The following ARHGAP24 variants were observed in gnomAD, a reference collection of about 807,000 sequenced individuals.
ARHGAP24 encodes the protein rho GTPase-activating protein 24.
ARHGAP24 carries 50 observed loss-of-function variants against 76.4 expected under a neutral mutation model. The ratio of observed to expected loss-of-function variants is 0.65; its 90% CI spans 0.52 to 0.83. The LOEUF (loss-of-function observed/expected upper bound fraction) is 0.83. ARHGAP24 is among the 40% of genes least tolerant of loss of function. The pLI is 0.00. For missense variants in ARHGAP24, 930 were observed against 914.2 expected, an observed-to-expected ratio of 1.02 and a Z score of -0.22; for synonymous variants, 345 against 323.3, an observed-to-expected ratio of 1.07 and a Z score of -0.72.
intron 1 of ARHGAP24, among the ~76,000 whole-genome samples, chr4:85,537,589 T>A (rs1369073288): frequency 6.6e-6 from 1 of 152,162 alleles, no homozygotes; most frequent in Non-Finnish European, 1.5e-5. Context: ...GAGTATTGCC[T>A]ATTTGAGTTT....
chr4:85,618,189 A>T (rs531282802), intron 2 of ARHGAP24, among the ~76,000 whole-genome samples: 1 of 152,036 alleles, frequency 6.6e-6, no homozygotes, highest in Non-Finnish European at 1.5e-5. Context: ...ACTATTCTCT[A>T]CTTCTGTGAC....
intron 3 of ARHGAP24, among the ~76,000 whole-genome samples, chr4:85,752,713 A>C (rs1230183945): frequency 6.6e-6 from 1 of 152,220 alleles, no homozygotes; most frequent in Non-Finnish European, 1.5e-5. Flanking sequence ...TTCACTGAGC[A>C]TCAGTTTTCC....
At chr4:85,984,185 T>C (rs1739849258) in intron 8 of ARHGAP24, among the ~76,000 whole-genome samples, 1 of 152,172 alleles carries the variant, frequency 6.6e-6, no homozygotes, top group Non-Finnish European at 1.5e-5. Flanking sequence ...CGGGGAACCA[T>C]CACAGATGGG....
At chr4:85,917,761 G>A (rs1228746293) in intron 3 of ARHGAP24, among the ~76,000 whole-genome samples, 1 of 152,038 alleles carries the variant, frequency 6.6e-6, no homozygotes, top group Admixed American at 6.6e-5. Context: ...TTGTTTTTTA[G>A]TTCACAATTT....
chr4:85,623,734 T>G (rs562661479), intron 2 of ARHGAP24, among the ~76,000 whole-genome samples: 64 of 152,134 alleles, frequency 4.2e-4, no homozygotes, highest in South Asian at 1.0e-3. Flanking sequence ...CATGGAATGT[T>G]CTTCCATTTG....
At chr4:85,825,107 C>CA (rs1306192752) in intron 3 of ARHGAP24, among the ~76,000 whole-genome samples, 13 of 148,846 alleles carry the variant, frequency 8.7e-5, no homozygotes, top group South Asian at 2.1e-4. Context: ...CGAAACGAAA[C>CA]AAAACAAAAA....
intron 1 of ARHGAP24, among the ~76,000 whole-genome samples, chr4:85,476,531 A>G (rs1381780474): frequency 1.3e-5 from 2 of 152,220 alleles, no homozygotes. Context: ...GGCTTTGCTT[A>G]TACATAAATA....
intron 2 of ARHGAP24, among the ~76,000 whole-genome samples, chr4:85,683,074 C>T (rs1269287713): frequency 7.5e-6 from 1 of 133,464 alleles, no homozygotes; most frequent in East Asian, 2.2e-4. Flanking sequence ...ACCTTTTACT[C>T]CTCACCTCCA....
At chr4:85,665,453 C>A (rs570878400) in intron 2 of ARHGAP24, among the ~76,000 whole-genome samples, 12 of 152,258 alleles carry the variant, frequency 7.9e-5, no homozygotes, top group African/African-American at 2.9e-4. Flanking sequence ...ACTGATGGGT[C>A]TTGACTCCTT....
intron 2 of ARHGAP24, among the ~76,000 whole-genome samples, chr4:85,620,681 T>G (rs2110002999): frequency 6.6e-6 from 1 of 152,046 alleles, no homozygotes; most frequent in Middle Eastern, 3.4e-3. Context: ...TTTCCTATCT[T>G]CTACAAACTT....
At chr4:85,742,784 C>A (rs757815941) in intron 3 of ARHGAP24, among the ~76,000 whole-genome samples, 1 of 152,082 alleles carries the variant, frequency 6.6e-6, no homozygotes, top group Non-Finnish European at 1.5e-5. Flanking sequence ...CTAGCCTGTA[C>A]GTTTCTTAGG....
intron 2 of ARHGAP24, among the ~76,000 whole-genome samples, chr4:85,594,896 G>T (rs1238542176): frequency 6.6e-6 from 1 of 152,034 alleles, no homozygotes; most frequent in African/African-American, 2.4e-5. Context: ...GTTTCTGCAT[G>T]TAGGGAAGTA....
At chr4:85,738,886 A>G (rs1383208280) in intron 3 of ARHGAP24, among the ~76,000 whole-genome samples, 4 of 152,172 alleles carry the variant, frequency 2.6e-5, no homozygotes, top group Non-Finnish European at 5.9e-5. Context: ...TGGTTGAGTC[A>G]GCTGCAGATG....
intron 1 of ARHGAP24, among the ~76,000 whole-genome samples, chr4:85,558,611 C>A (rs1333725691): frequency 6.6e-6 from 1 of 152,072 alleles, no homozygotes; most frequent in Non-Finnish European, 1.5e-5. Context: ...GTTGTCCATA[C>A]CTCCATATAA....
chr4:85,671,496 A>G (rs550430509), intron 2 of ARHGAP24, among the ~76,000 whole-genome samples: 3 of 152,338 alleles, frequency 2.0e-5, no homozygotes, highest in South Asian at 2.1e-4. Flanking sequence ...CAAGTAAAGT[A>G]AAAGATGTGT....
In ARHGAP24 at chr4:85,487,437, TATATATTTATTATATATTATATAAAC is replaced by T. The variant is rs1560505396; in HGVS notation, c.-21+11891_-21+11916del. ...ATTATATATTATATAAATATATAAATATATATTTATTATATATTATATAAACATATATTTATTACATATTATATAAA... is the reference window on the plus strand; with the variant it reads ...ATTATATATTATATAAATATATAAATATATATTTATTACATATTATATAAA... On this transcript the variant is annotated intron_variant, in intron 1 of 9. Coordinates refer to ENST00000395184, the MANE Select transcript of ARHGAP24 (RefSeq NM_001025616.3). Among the ~76,000 whole-genome samples, 80 of 95,498 alleles carry T rather than the reference TATATATTTATTATATATTATATAAAC, an allele frequency of 8.4e-4. 2 individuals carry two copies. Among genetic ancestry groups the T allele is most frequent in the African/African-American group, 2.6e-3 (66 of 25,554 alleles). 62.7% of individuals were successfully genotyped at this position (95,498 alleles called of 152,430 possible). A position where few individuals can be genotyped will look rare whatever the true frequency, so the allele number is the denominator to read the frequency against.
chr4:85,799,372 A>G lies in ARHGAP24; in HGVS notation c.268+77400A>G, dbSNP rs542954053. On this transcript the variant is annotated intron_variant, in intron 3 of 9. Transcript: ENST00000395184. ...GAAAGGGCCCACTAACCAACTTGAA[A>G]GAGCTTCTAATGTTCAAAGTGGGAA... is the stretch of plus-strand genomic sequence containing the variant. Among the ~76,000 whole-genome samples, 7 of 152,326 alleles carry G rather than the reference A, an allele frequency of 4.6e-5. No homozygotes were observed. In the South Asian group the frequency reaches 1.0e-3, roughly 23 times the overall value.
intron 5 of ARHGAP24, among the ~76,000 whole-genome samples, chr4:85,945,066 G>A (rs895830390): frequency 1.3e-5 from 2 of 151,048 alleles, no homozygotes; most frequent in African/African-American, 4.9e-5. Context: ...GGCTGGTCTC[G>A]AACTGCCGAG....
chr4:85,522,964 G>T (rs571219775), intron 1 of ARHGAP24, among the ~76,000 whole-genome samples: 3 of 152,186 alleles, frequency 2.0e-5, no homozygotes, highest in African/African-American at 4.8e-5. Flanking sequence ...ATGTGTGTAT[G>T]TAAATAGCTT....
Sources: allele counts gnomAD v4.1 joint callset (sites outside exome capture counted in the v4.1 genomes callset), GRCh38; gene constraint gnomAD v4.1.1; transcripts MANE v1.5; gene names NCBI Gene and HGNC (gene_info 2026-07-23, HGNC 2026-07-21).